Variants in PCDHAC2 observed in about 807,000 individuals in gnomAD.
PCDHAC2 encodes the protein protocadherin alpha-C2.
A neutral mutation model predicts 63.3 loss-of-function variants in PCDHAC2; 24 were observed. The observed-to-expected ratio is 0.38, with a 90% CI of 0.27 to 0.53. The LOEUF (loss-of-function observed/expected upper bound fraction) is 0.53, where lower values mean the gene tolerates loss of function less well. Among genes scored for constraint, PCDHAC2 ranks in the 20% least tolerant of loss-of-function variants. The pLI, the probability that PCDHAC2 is intolerant of heterozygous loss-of-function variation, is 0.81. For missense variants in PCDHAC2, 1,181 were observed against 1,275.2 expected, an observed-to-expected ratio of 0.93 and a Z score of 1.12; for synonymous variants, 569 against 529.4, an observed-to-expected ratio of 1.07 and a Z score of -1.03.
At position 140,968,753 on chromosome 5, in the gene PCDHAC2, C is replaced by T. The variant is rs782591270; in HGVS notation, c.1987C>T (p.Arg663Ter). Reference protein sequence around the residue: ...GSTFNLTVVVRDNGEPSLSAS... With the variant: ...GSTFNLTVVV ...CACTTTCAACCTGACCGTGGTGGTC[C>T]GAGATAATGGAGAGCCATCACTATC... Residue 663 changes from arginine to a stop codon, truncating the protein, a stop_gained, in exon 1 of 4, where the codon CGA becomes TGA. Transcript: ENST00000289269. LOFTEE classifies it high-confidence loss of function. 8 of 1,614,018 alleles carry T rather than the reference C, an allele frequency of 5.0e-6. No individual in the cohort carries two copies. Among genetic ancestry groups the T allele is most frequent in the Non-Finnish European group, 6.8e-6 (8 of 1,180,020 alleles).
At chr5:140,996,752 GT>G (rs1406262736) in intron 3 of PCDHAC2, among the ~76,000 whole-genome samples, 2 of 152,208 alleles carry the variant, frequency 1.3e-5, no homozygotes, top group East Asian at 3.9e-4. Flanking sequence ...AATTATATCT[GT>G]GCAGGACTAA....
At chr5:140,991,101 T>C (rs1281707030) in intron 3 of PCDHAC2, among the ~76,000 whole-genome samples, 3 of 152,218 alleles carry the variant, frequency 2.0e-5, no homozygotes, top group African/African-American at 4.8e-5. Flanking sequence ...CTCATAAGAA[T>C]TAAGTGGCTT....
At chr5:141,001,276 T>C (rs2098003991) in intron 3 of PCDHAC2, among the ~76,000 whole-genome samples, 1 of 152,210 alleles carries the variant, frequency 6.6e-6, no homozygotes. Context: ...GAACTTTTTT[T>C]ACGGATGAAA....
At chr5:140,990,272 C>T (rs568200508) in intron 3 of PCDHAC2, among the ~76,000 whole-genome samples, 12 of 152,196 alleles carry the variant, frequency 7.9e-5, no homozygotes, top group African/African-American at 1.4e-4. Flanking sequence ...CAATGTACCC[C>T]GGGTCTTGAG....
At chr5:140,986,618 C>T (rs782259734) in intron 3 of PCDHAC2, among the ~76,000 whole-genome samples, 2 of 152,134 alleles carry the variant, frequency 1.3e-5, no homozygotes, top group African/African-American at 2.4e-5. Flanking sequence ...TCAGGCCTTA[C>T]CTAAGGCAAC....
intron 2 of PCDHAC2, 175 bp downstream of exon 2, chr5:140,979,182 A>C: frequency 2.6e-5 from 24 of 928,990 alleles, no homozygotes; most frequent in Non-Finnish European, 3.1e-5. Context: ...GCAAATGGTC[A>C]GTGCCAGATG....
chr5:140,967,120 G>C lies in PCDHAC2; in HGVS notation c.354G>C (p.Leu118=). Residue 118 remains leucine, a synonymous_variant, in exon 1 of 4, where the codon CTG becomes CTC. Transcript: ENST00000289269. ...TGTGTGAGCAGCGGCCTCGCTGCCT[G>C]CTCAGCTTGGAAGTGCTGGCGCACA... ...EALCEQRPRC[L]LSLEVLAHNP... The C allele has an allele frequency of 6.2e-7, 1 of 1,612,860 alleles. No individual in the cohort carries two copies. Among genetic ancestry groups the C allele is most frequent in the East Asian group, 2.2e-5 (1 of 44,844 alleles).
At chr5:140,987,211 C>A (rs1190567678) in intron 3 of PCDHAC2, among the ~76,000 whole-genome samples, 1 of 145,070 alleles carries the variant, frequency 6.9e-6, no homozygotes, top group South Asian at 2.1e-4. Flanking sequence ...GAGACTCCAT[C>A]TCAAAAAAAA....
At chr5:140,979,243 C>T (rs1554240401) in intron 2 of PCDHAC2, among the ~76,000 whole-genome samples, 1 of 152,178 alleles carries the variant, frequency 6.6e-6, no homozygotes, top group Non-Finnish European at 1.5e-5. Context: ...CAGAAACAGG[C>T]TGCTATGTAT....
In PCDHAC2 at chr5:140,967,799, A is replaced by G; in HGVS notation, c.1033A>G (p.Met345Val). Residue 345 changes from methionine to valine, a missense_variant, in exon 1 of 4, where the codon ATG (methionine) becomes GTG (valine). Transcript: ENST00000289269. The stretch of plus-strand genomic sequence containing the variant: ...GGCGACTGACCGGGGTCCAGTGCCC[A>G]TGGCAGGTCACTGCAAGGTGCTGGT... ...VQATDRGPVPMAGHCKVLVDI... is the reference protein window; with the variant it reads ...VQATDRGPVPVAGHCKVLVDI... 1.2e-6 allele frequency: 2 copies of G among 1,614,190 alleles called. No homozygotes were observed. The highest frequency in any genetic ancestry group is 1.7e-6 in the Non-Finnish European group (2 of 1,180,036).
chr5:140,996,478 A>C (rs1241472780), intron 3 of PCDHAC2, among the ~76,000 whole-genome samples: 1 of 152,214 alleles, frequency 6.6e-6, no homozygotes, highest in East Asian at 1.9e-4. Flanking sequence ...AGTAGTGCTC[A>C]GGCCTGGGCA....
chr5:140,995,993 A>G (rs1017469411), intron 3 of PCDHAC2, among the ~76,000 whole-genome samples: 16 of 152,226 alleles, frequency 1.1e-4, no homozygotes, highest in Non-Finnish European at 1.8e-4. Context: ...GCCACTCAAA[A>G]ATGTCGTCAG....
intron 3 of PCDHAC2, 87 bp downstream of exon 3, chr5:140,982,650 C>T (rs1299219435): frequency 4.6e-6 from 7 of 1,507,000 alleles, no homozygotes; most frequent in Non-Finnish European, 5.3e-6. Flanking sequence ...ATGTTGATGG[C>T]TCTTTTTCTT....
Position 140,967,143 on chromosome 5 carries a change from A to G in PCDHAC2, c.377A>G (p.His126Arg). 1 of 1,611,272 alleles carries G rather than the reference A, an allele frequency of 6.2e-7. No individual in the cohort carries two copies. Among genetic ancestry groups the G allele is most frequent in the South Asian group, 1.1e-5 (1 of 90,990 alleles). The change falls in exon 1 of 4, where the codon CAC (histidine) becomes CGC (arginine). Residue 126 changes from histidine (H) to arginine (R), a missense_variant. By Grantham distance (29) the His-to-Arg change is conservative. Coordinates refer to ENST00000289269, the MANE Select transcript of PCDHAC2 (RefSeq NM_018899.6). Reference sequence around the variant, plus strand: ...CTGCTCAGCTTGGAAGTGCTGGCGCACAACCCCGTGGCGGTGAGCGCCGTT... The same window carrying G: ...CTGCTCAGCTTGGAAGTGCTGGCGCGCAACCCCGTGGCGGTGAGCGCCGTT... ...RCLLSLEVLA[H>R]NPVAVSAVEV...
chr5:140,971,451 T>C (rs1442240847), intron 1 of PCDHAC2, among the ~76,000 whole-genome samples: 2 of 152,110 alleles, frequency 1.3e-5, no homozygotes, highest in East Asian at 1.9e-4. Flanking sequence ...GCTCCAGAAA[T>C]TTTTGCAGTT....
chr5:140,993,546 G>A (rs1013720873), intron 3 of PCDHAC2, among the ~76,000 whole-genome samples: 4 of 151,434 alleles, frequency 2.6e-5, no homozygotes, highest in Non-Finnish European at 5.9e-5. Context: ...AGATAGAGAA[G>A]TGAAGTATAT....
At chr5:140,997,264 A>G (rs1554255813) in intron 3 of PCDHAC2, among the ~76,000 whole-genome samples, 3 of 152,154 alleles carry the variant, frequency 2.0e-5, no homozygotes. Context: ...CACTCTTCCA[A>G]ATATTTCTTG....
rs1469484046 is a variant in PCDHAC2 at position 141,010,169 on chromosome 5, C to G, written c.*232C>G. ...CTCCACTCTGGCTTGTTTTCAGAAC[C>G]TAAAAAGCAGACCCAAGTTTCCTTT... On this transcript the variant is annotated 3_prime_UTR_variant, in exon 4 of 4. Coordinates refer to ENST00000289269, the MANE Select transcript of PCDHAC2 (RefSeq NM_018899.6). 6.4e-7 allele frequency: 1 copy of G among 1,560,124 alleles called. No homozygotes were observed. The highest frequency in any genetic ancestry group is 8.7e-7 in the Non-Finnish European group (1 of 1,151,276).
chr5:140,982,300 G>A (rs2096976836), intron 2 of PCDHAC2, 175 bp from the exon 3 acceptor site: 1 of 1,204,506 alleles, frequency 8.3e-7, no homozygotes, highest in South Asian at 1.7e-5. Flanking sequence ...AGTCAGCAAT[G>A]CTTCTGCAGT....
Sources: gnomAD v4.1 joint callset for allele counts (sites outside exome capture counted in the v4.1 genomes callset) on GRCh38, gnomAD v4.1.1 for gene constraint, MANE v1.5 for transcripts, NCBI Gene and HGNC (gene_info 2026-07-23, HGNC 2026-07-21) for gene names.